The following TOGARAM2 variants were observed in gnomAD, a reference collection of about 807,000 sequenced individuals.
TOGARAM2 encodes the protein TOG array regulator of axonemal microtubules protein 2.
In TOGARAM2, 85 loss-of-function variants were observed where a neutral mutation model predicts 93.3. The ratio of observed to expected loss-of-function variants is 0.91; its 90% confidence interval spans 0.76 to 1.09. The LOEUF is 1.09. TOGARAM2 is among the 50% of genes least tolerant of loss of function. The pLI, the probability that TOGARAM2 is intolerant of heterozygous loss-of-function variation, is 0.00. For synonymous variants in TOGARAM2, 593 were observed against 552.8 expected (o/e 1.07, Z -1.02); for missense variants, 1,277 against 1,334.5 (o/e 0.96, Z 0.67).
intron 2 of TOGARAM2, among the ~76,000 whole-genome samples, chr2:28,996,069 G>A (rs1672975799): frequency 6.6e-6 from 1 of 152,192 alleles, no homozygotes; most frequent in African/African-American, 2.4e-5. Context: ...GCTGTGCCTG[G>A]GGCTGTGGGA....
intron 18 of TOGARAM2, among the ~76,000 whole-genome samples, chr2:29,044,902 G>C (rs1179894070): frequency 6.6e-5 from 10 of 151,868 alleles, no homozygotes; most frequent in African/African-American, 2.4e-4. Context: ...AAACATATCT[G>C]TATATCCATC....
At chr2:29,049,270 G>C (rs949726416) in intron 19 of TOGARAM2, 1 of 152,134 alleles carries the variant, frequency 6.6e-6, no homozygotes, top group Non-Finnish European at 1.5e-5. Context: ...CACAGTGCTG[G>C]GATTATAGTC....
chr2:29,017,027 A>G, intron 8 of TOGARAM2, 127 bp from the exon 9 acceptor site: 4 of 1,183,154 alleles, frequency 3.4e-6, no homozygotes, highest in South Asian at 1.5e-5. Context: ...CTTAAGGTGC[A>G]AGGAGTTTGT....
At position 28,999,210 on chromosome 2, in the gene TOGARAM2, C is replaced by T; in HGVS notation, c.169C>T (p.Leu57=). Reference sequence around the variant, plus strand: ...TCTCCAGCCTGAGCCAAGAGCCCTGCTGAACAACGAGGAACCGTCACAGCT... The same window carrying T: ...TCTCCAGCCTGAGCCAAGAGCCCTGTTGAACAACGAGGAACCGTCACAGCT... ...GSLQPEPRAL[L]NNEEPSQLLR... is the part of the protein sequence containing the mutation. Residue 57 remains leucine, a synonymous_variant, in exon 4 of 20, where the codon CTG becomes TTG. Coordinates refer to ENST00000379558, the MANE Select transcript of TOGARAM2 (RefSeq NM_199280.4). 2.5e-6 allele frequency: 4 copies of T among 1,613,676 alleles called. No homozygotes were observed. The highest frequency in any genetic ancestry group is 2.2e-5 in the East Asian group (1 of 44,880).
rs1279089346 is a variant in TOGARAM2 at position 29,004,960 on chromosome 2, A to ATG, written c.830+1285_830+1286dup. The stretch of plus-strand genomic sequence containing the variant: ...TGTGTGTGCATGTGTGTGCATGTGT[A>ATG]TGTGTGTGAGTGCATGTGTGTATGT... On this transcript the variant is annotated intron_variant, in intron 6 of 19. Transcript: ENST00000379558. Among the ~76,000 whole-genome samples the ATG allele has an allele frequency of 3.4e-5, 4 of 116,282 alleles. 1 individual carries two copies. Among genetic ancestry groups the ATG allele is most frequent in the African/African-American group, 1.6e-4 (4 of 24,430 alleles). The allele number at this position is 116,282 out of a possible 152,430, so 76.3% of individuals were successfully genotyped here.
intron 14 of TOGARAM2, among the ~76,000 whole-genome samples, chr2:29,029,371 C>G (rs1257267701): frequency 6.6e-6 from 1 of 152,060 alleles, no homozygotes; most frequent in African/African-American, 2.4e-5. Flanking sequence ...GAGACTATTA[C>G]TCTAAGTGAA....
chr2:29,003,942 A>G (rs1330762352), intron 6 of TOGARAM2, among the ~76,000 whole-genome samples: 2 of 152,236 alleles, frequency 1.3e-5, no homozygotes, highest in Admixed American at 1.3e-4. Context: ...GTCTTCTCCC[A>G]GTGCCTTAGT....
At chr2:28,977,077 G>C (rs921515755), upstream of TOGARAM2, among the ~76,000 whole-genome samples, 3 of 152,252 alleles carry the variant, frequency 2.0e-5, no homozygotes, top group African/African-American at 7.2e-5. Flanking sequence ...GCCTGGGCCA[G>C]GGCCCAGGAC....
chr2:29,017,760 G>C, intron 9 of TOGARAM2, 32 bp from the exon 10 acceptor site: 1 of 1,564,346 alleles, frequency 6.4e-7, no homozygotes, highest in Non-Finnish European at 8.7e-7. Context: ...AAACAGACCT[G>C]CCTAGTCCTA....
At chr2:29,007,971 C>T (rs1276438633) in intron 6 of TOGARAM2, among the ~76,000 whole-genome samples, 1 of 152,144 alleles carries the variant, frequency 6.6e-6, no homozygotes, top group Non-Finnish European at 1.5e-5. Flanking sequence ...TGTTCCATGT[C>T]TACCTACTCT....
At chr2:29,045,279 T>G (rs771589517) in intron 18 of TOGARAM2, 45 bp from the exon 19 acceptor site, 8 of 1,523,292 alleles carry the variant, frequency 5.3e-6, no homozygotes. Flanking sequence ...GTGCTGTCAC[T>G]CAGCCCCCAG....
chr2:29,005,506 T>TG (rs1491146550), intron 6 of TOGARAM2, among the ~76,000 whole-genome samples: 9 of 102,498 alleles, frequency 8.8e-5, no homozygotes, highest in African/African-American at 2.3e-4. Context: ...AGTGCATGTG[T>TG]TTGTGTAACT....
chr2:28,975,599 A>G (rs144722457), intron 1 of TOGARAM2, among the ~76,000 whole-genome samples: 40 of 152,304 alleles, frequency 2.6e-4, no homozygotes, highest in South Asian at 6.2e-4. Context: ...AGAATCCTCA[A>G]ATCTGTGTCA....
At chr2:29,003,433 T>C in intron 5 of TOGARAM2, 59 bp from the exon 6 acceptor site, 1 of 1,352,878 alleles carries the variant, frequency 7.4e-7, no homozygotes, top group Non-Finnish European at 9.7e-7. Context: ...TGCCTGGAGG[T>C]GAGCATTCAC....
At chr2:29,011,546 A>G (rs1483948211) in intron 7 of TOGARAM2, 45 bp downstream of exon 7, 11 of 1,557,888 alleles carry the variant, frequency 7.1e-6, no homozygotes, top group Non-Finnish European at 9.6e-6. Flanking sequence ...TTGACTCTCT[A>G]CATTCCTGGG....
chr2:29,045,943 G>T, intron 19 of TOGARAM2: 1 of 166,848 alleles, frequency 6.0e-6, no homozygotes, highest in Admixed American at 5.9e-5. Context: ...TCAGAAAAAA[G>T]CCTCCTTTTT....
At chr2:29,032,882 T>C in intron 14 of TOGARAM2, 52 bp from the exon 15 acceptor site, 6 of 1,478,188 alleles carry the variant, frequency 4.1e-6, no homozygotes, top group Non-Finnish European at 3.7e-6. Flanking sequence ...AAAGCAAATT[T>C]ATTTTGCATT....
chr2:28,974,404 G>A (rs1052759586), intron 1 of TOGARAM2, among the ~76,000 whole-genome samples: 3 of 152,034 alleles, frequency 2.0e-5, no homozygotes, highest in Admixed American at 2.0e-4. Flanking sequence ...GTGTCTTGAT[G>A]TGGATTTCTT....
intron 1 of TOGARAM2, among the ~76,000 whole-genome samples, chr2:28,993,553 G>A (rs1029828378): frequency 2.0e-5 from 3 of 152,242 alleles, no homozygotes; most frequent in Admixed American, 1.3e-4. Flanking sequence ...TTTCACCACC[G>A]TGTGGCCACA....
Sources: allele counts gnomAD v4.1 joint callset (sites outside exome capture counted in the v4.1 genomes callset), GRCh38; gene constraint gnomAD v4.1.1; transcripts MANE v1.5; gene names NCBI Gene and HGNC (gene_info 2026-07-23, HGNC 2026-07-21).